The following PDZD2 variants were observed in gnomAD, a reference collection of about 807,000 sequenced individuals.
PDZD2 encodes the protein PDZ domain-containing protein 2.
In PDZD2, 90 loss-of-function variants were observed where a neutral mutation model predicts 220.7. The observed-to-expected ratio is 0.41, with a 90% confidence interval of 0.34 to 0.49. PDZD2 has a LOEUF of 0.49. PDZD2 is among the 20% of genes least tolerant of loss of function. PDZD2 has a pLI of 0.28. For missense variants in PDZD2, 3,174 were observed against 3,608.5 expected (o/e 0.88, Z 3.08); for synonymous variants, 1,375 against 1,450.5 (o/e 0.95, Z 1.18).
chr5:31,931,554 A>T (rs1376162220), intron 2 of PDZD2, among the ~76,000 whole-genome samples: 1 of 151,988 alleles, frequency 6.6e-6, no homozygotes, highest in South Asian at 2.1e-4. Flanking sequence ...CAGAAGAGAG[A>T]TGGAGATTGA....
At chr5:31,830,244 C>A (rs1393551350) in intron 2 of PDZD2, among the ~76,000 whole-genome samples, 1 of 150,564 alleles carries the variant, frequency 6.6e-6, no homozygotes, top group Non-Finnish European at 1.5e-5. Context: ...CGGCTCACTG[C>A]AAGCTCCGCC....
intron 2 of PDZD2, among the ~76,000 whole-genome samples, chr5:31,921,643 T>C (rs564106602): frequency 1.3e-5 from 2 of 152,256 alleles, no homozygotes; most frequent in African/African-American, 4.8e-5. Flanking sequence ...TGAACCAAGA[T>C]TGTGCCACTG....
At chr5:31,814,267 T>C (rs1755296821) in intron 2 of PDZD2, among the ~76,000 whole-genome samples, 1 of 152,206 alleles carries the variant, frequency 6.6e-6, no homozygotes, top group East Asian at 1.9e-4. Context: ...TTACAAATTA[T>C]ATGTTGATGA....
intron 1 of PDZD2, among the ~76,000 whole-genome samples, chr5:31,791,686 G>T (rs1202834869): frequency 1.3e-5 from 2 of 150,362 alleles, no homozygotes; most frequent in Non-Finnish European, 2.9e-5. Context: ...CACAACCTCA[G>T]TCAACATGTA....
chr5:31,684,563 GTTTT>G (rs34643771), intron 1 of PDZD2, among the ~76,000 whole-genome samples: 1 of 148,196 alleles, frequency 6.7e-6, no homozygotes, highest in African/African-American at 2.5e-5. Flanking sequence ...AGCTAGAGCA[GTTTT>G]TTTTTTTTTT....
chr5:31,920,649 A>AT (rs112120056), intron 2 of PDZD2, among the ~76,000 whole-genome samples: 21 of 150,454 alleles, frequency 1.4e-4, no homozygotes, highest in South Asian at 2.1e-4. Context: ...CTAAAAAACA[A>AT]TTTTTTTTTT....
At chr5:32,064,136 T>G (rs1349066646) in intron 14 of PDZD2, among the ~76,000 whole-genome samples, 2 of 152,244 alleles carry the variant, frequency 1.3e-5, no homozygotes, top group African/African-American at 4.8e-5. Flanking sequence ...CCTTTAACTT[T>G]TTGAAGCTAA....
intron 15 of PDZD2, 46 bp downstream of exon 15, chr5:32,069,696 A>G (rs777468170): frequency 1.4e-5 from 14 of 989,798 alleles, no homozygotes; most frequent in Middle Eastern, 2.0e-4. Context: ...AGAGTTTCTC[A>G]TTAAGTTCAC....
chr5:32,077,047 A>C (rs1003254321), intron 18 of PDZD2, among the ~76,000 whole-genome samples: 1 of 152,192 alleles, frequency 6.6e-6, no homozygotes, highest in African/African-American at 2.4e-5. Context: ...TGAAATATGA[A>C]ATGTCAATTT....
intron 1 of PDZD2, among the ~76,000 whole-genome samples, chr5:31,772,792 A>G (rs1752411832): frequency 6.6e-6 from 1 of 152,228 alleles, no homozygotes; most frequent in Non-Finnish European, 1.5e-5. Flanking sequence ...TTTTTAGAAG[A>G]ATTACATCTG....
chr5:31,760,302 G>A (rs1290343746), intron 1 of PDZD2, among the ~76,000 whole-genome samples: 1 of 152,182 alleles, frequency 6.6e-6, no homozygotes, highest in Non-Finnish European at 1.5e-5. Flanking sequence ...ATAGTTTCTG[G>A]CATGAAATAA....
chr5:31,661,976 C>T (rs1745787207), intron 1 of PDZD2, among the ~76,000 whole-genome samples: 1 of 152,008 alleles, frequency 6.6e-6, no homozygotes, highest in African/African-American at 2.4e-5. Flanking sequence ...TCTTGAGGTC[C>T]TAGTTTCCTC....
At chr5:31,886,550 T>G (rs1048719802) in intron 2 of PDZD2, among the ~76,000 whole-genome samples, 3 of 151,948 alleles carry the variant, frequency 2.0e-5, no homozygotes, top group Non-Finnish European at 4.4e-5. Context: ...AACTCCCTGA[T>G]GGAAACTGCT....
intron 2 of PDZD2, among the ~76,000 whole-genome samples, chr5:31,921,481 C>G (rs774881327): frequency 4.6e-5 from 7 of 151,918 alleles, no homozygotes; most frequent in Admixed American, 4.6e-4. Context: ...CTTAGGAGTT[C>G]GAGACCAGCC....
intron 19 of PDZD2, among the ~76,000 whole-genome samples, chr5:32,079,130 A>G (rs917895493): frequency 1.3e-5 from 2 of 151,414 alleles, no homozygotes; most frequent in African/African-American, 4.9e-5. Flanking sequence ...GTTGTGGTGC[A>G]TGCCTGTAAT....
At chr5:31,701,108 A>G (rs1239203714) in intron 1 of PDZD2, among the ~76,000 whole-genome samples, 1 of 152,258 alleles carries the variant, frequency 6.6e-6, no homozygotes, top group Non-Finnish European at 1.5e-5. Flanking sequence ...GTACAGACCC[A>G]GTGCTGAGCA....
rs1440830508 is a variant in PDZD2, at chr5:32,073,852, C to T, written c.2746C>T (p.Pro916Ser). ...ACCAGCTCACAAGGAGCCTGGAAAA[C>T]CCAGAGCCAACAGCCTCGTGACTCT... is the stretch of plus-strand genomic sequence containing the variant. ...STSTHKEPGKPRANSLVTLGS... is the reference protein window; with the variant it reads ...STSTHKEPGKSRANSLVTLGS... Residue 916 changes from proline to serine, a missense_variant, in exon 18 of 25, where the codon CCC becomes TCC. By Grantham distance (74) the Pro-to-Ser change is moderately conservative (BLOSUM62 -1). This residue lies in a region of PDZD2 where 1,861 missense variants were observed against 2,001.0 expected (regional missense o/e 0.93). Transcript: ENST00000438447. 1.9e-6 allele frequency: 3 copies of T among 1,610,980 alleles called. No individual in the cohort carries two copies. Among genetic ancestry groups the T allele is most frequent in the African/African-American group, 2.7e-5 (2 of 74,756 alleles).
chr5:31,772,646 C>T (rs10052469), intron 1 of PDZD2, among the ~76,000 whole-genome samples: 4,487 of 152,240 alleles, frequency 0.029, 210 homozygotes, highest in African/African-American at 0.098. Context: ...ACCTTCCAGA[C>T]GCAACATTAG....
chr5:32,014,772 G>A (rs1753638031), intron 6 of PDZD2, among the ~76,000 whole-genome samples: 1 of 129,124 alleles, frequency 7.7e-6, no homozygotes, highest in East Asian at 2.3e-4. Flanking sequence ...CTGGAGTGCA[G>A]TGGCGCAATC....
Sources: gnomAD v4.1 joint callset for allele counts (sites outside exome capture counted in the v4.1 genomes callset) on GRCh38, gnomAD v4.1.1 for gene constraint, gnomAD v4.1.1 regional missense constraint, MANE v1.5 for transcripts, NCBI Gene and HGNC (gene_info 2026-07-23, HGNC 2026-07-21) for gene names.